The following DSCAM variants were observed in gnomAD, a reference collection of about 807,000 sequenced individuals.
DSCAM encodes cell adhesion molecule DSCAM.
In DSCAM, 47 loss-of-function variants were observed where a neutral mutation model predicts 217.7. That is an observed-to-expected ratio of 0.22 (90% confidence interval 0.17 to 0.28). The LOEUF (loss-of-function observed/expected upper bound fraction) is 0.28. Ranked by LOEUF, DSCAM falls within the 10% of genes least tolerant of loss-of-function variation. The pLI is 1.00. For synonymous variants in DSCAM, 1,056 were observed against 1,015.3 expected, an observed-to-expected ratio of 1.04 and a Z score of -0.76; for missense variants, 2,080 against 2,618.3, an observed-to-expected ratio of 0.79 and a Z score of 4.49.
intron 3 of DSCAM, among the ~76,000 whole-genome samples, chr21:40,484,694 A>C (rs975820650): frequency 4.6e-5 from 7 of 152,098 alleles, no homozygotes; most frequent in African/African-American, 1.7e-4. Flanking sequence ...TCCAGCTTGC[A>C]TGAGGCCAAG....
chr21:40,650,325 G>A (rs1212228193), intron 3 of DSCAM, among the ~76,000 whole-genome samples: 2 of 152,196 alleles, frequency 1.3e-5, no homozygotes, highest in African/African-American at 4.8e-5. Context: ...TCACAAGGGT[G>A]GAGGTATTTA....
In DSCAM at chr21:40,381,029, C is replaced by G. The variant is rs540811001; in HGVS notation, c.509-11784G>C. Among the ~76,000 whole-genome samples the G allele has an allele frequency of 1.8e-3, 259 of 142,980 alleles. 6 individuals carry two copies. Among genetic ancestry groups the G allele is most frequent in the Admixed American group, 0.018 (226 of 12,904 alleles). The allele number at this position is 142,980 out of a possible 152,430, so 93.8% of individuals were successfully genotyped here. Reference sequence around the variant, plus strand: ...AGTGAGCCGAGATCGTGCCACTGCACTCCAGCCTGGGCGACAGAGCGAGAC... The same window carrying G: ...AGTGAGCCGAGATCGTGCCACTGCAGTCCAGCCTGGGCGACAGAGCGAGAC... On this transcript the variant is annotated intron_variant, in intron 3 of 32. Coordinates refer to ENST00000400454, the MANE Select transcript of DSCAM (RefSeq NM_001389.5).
In DSCAM at chr21:40,438,294, A is replaced by G. The variant is rs1192886506; in HGVS notation, c.509-69049T>C. On this transcript the variant is annotated intron_variant, in intron 3 of 32. Transcript: ENST00000400454. ...ATATTGTCCAAAGTAAAACAATTCT[A>G]GAATATAAACTCCATAGATGCAACG... Among the ~76,000 whole-genome samples the G allele has an allele frequency of 5.3e-5, 8 of 152,374 alleles. No individual in the cohort carries two copies. In the South Asian group the frequency reaches 1.7e-3, roughly 32 times the overall value.
At chr21:40,632,148 G>A (rs1237151665) in intron 3 of DSCAM, among the ~76,000 whole-genome samples, 1 of 152,162 alleles carries the variant, frequency 6.6e-6, no homozygotes, top group Non-Finnish European at 1.5e-5. Flanking sequence ...CTGCTGACCA[G>A]GTCTATGCTG....
In DSCAM at chr21:40,816,266, T is replaced by C. The variant is rs1332771210; in HGVS notation, c.43+30353A>G. On this transcript the variant is annotated intron_variant, in intron 1 of 32. Coordinates refer to ENST00000400454, the MANE Select transcript of DSCAM (RefSeq NM_001389.5). ...TTGTCCTTAGTTCTGTCCTGCACCA[T>C]GTGATGATGAATTTGAGGTGTCGGG... Among the ~76,000 whole-genome samples the C allele has an allele frequency of 2.0e-5, 3 of 152,134 alleles. No homozygotes were observed. The East Asian group carries it at 5.8e-4, about 29-fold the overall frequency.
chr21:40,085,730 C>T lies in DSCAM; in HGVS notation c.4004G>A (p.Arg1335Gln), dbSNP rs571178062. 16 of 1,578,660 alleles carry T rather than the reference C, an allele frequency of 1.0e-5. No homozygotes were observed. Among genetic ancestry groups the T allele is most frequent in the East Asian group, 9.1e-5 (4 of 44,176 alleles). The change falls in exon 23 of 33, where the codon CGG (arginine) becomes CAG (glutamine). Residue 1335 changes from arginine (R) to glutamine (Q), a missense_variant. Coordinates refer to ENST00000400454, the MANE Select transcript of DSCAM (RefSeq NM_001389.5). Reference sequence around the variant, plus strand: ...GCTTCCGTTGCTAAAGATGCTCCTCCGCCCATCAATCGTTACTAGACTGGG... The same window carrying T: ...GCTTCCGTTGCTAAAGATGCTCCTCTGCCCATCAATCGTTACTAGACTGGG... ...GTPSLVTIDG[R>Q]RSIFSNGSFI...
At chr21:40,083,193 C>A (rs929541623) in intron 24 of DSCAM, among the ~76,000 whole-genome samples, 3 of 152,178 alleles carry the variant, frequency 2.0e-5, no homozygotes, top group African/African-American at 7.2e-5. Context: ...CTTTGAGAGG[C>A]CGAGGTGAGC....
At chr21:40,503,976 G>C (rs1473057871) in intron 3 of DSCAM, among the ~76,000 whole-genome samples, 1 of 152,124 alleles carries the variant, frequency 6.6e-6, no homozygotes, top group Non-Finnish European at 1.5e-5. Context: ...TCTCTTCCAG[G>C]CTTTCATCAG....
intron 19 of DSCAM, among the ~76,000 whole-genome samples, chr21:40,132,838 A>C (rs2146688580): frequency 6.6e-6 from 1 of 152,286 alleles, no homozygotes; most frequent in South Asian, 2.1e-4. Flanking sequence ...TATGGGATGG[A>C]ATAACAGCAT....
At chr21:40,616,427 T>C (rs2089394760) in intron 3 of DSCAM, among the ~76,000 whole-genome samples, 1 of 152,220 alleles carries the variant, frequency 6.6e-6, no homozygotes, top group Admixed American at 6.5e-5. Flanking sequence ...CGTTTCCTCC[T>C]GGAAATAGGT....
At chr21:40,583,434 T>C (rs1020880379) in intron 3 of DSCAM, among the ~76,000 whole-genome samples, 1 of 152,174 alleles carries the variant, frequency 6.6e-6, no homozygotes, top group Non-Finnish European at 1.5e-5. Context: ...CTTCTCGGCC[T>C]GGTACATGGA....
intron 11 of DSCAM, among the ~76,000 whole-genome samples, chr21:40,262,395 C>T (rs938972362): frequency 7.9e-5 from 12 of 152,112 alleles, no homozygotes; most frequent in Non-Finnish European, 1.2e-4. Flanking sequence ...CTTACAGGTG[C>T]AGCCTCTTCA....
intron 9 of DSCAM, among the ~76,000 whole-genome samples, chr21:40,304,790 G>C (rs570463563): frequency 6.6e-6 from 1 of 152,108 alleles, no homozygotes; most frequent in Non-Finnish European, 1.5e-5. Flanking sequence ...ACTGGGAAAT[G>C]GTTGGTTAGT....
At chr21:40,598,708 TTGGCCAGGATGGACTTGATC>T (rs1317688846) in intron 3 of DSCAM, among the ~76,000 whole-genome samples, 5 of 151,978 alleles carry the variant, frequency 3.3e-5, no homozygotes, top group Admixed American at 2.0e-4. Flanking sequence ...TGTCATCATG[TTGGCCAGGATGGACTTGATC>T]TCTTGACCTT....
chr21:40,334,927 G>A (rs557953209), intron 8 of DSCAM, among the ~76,000 whole-genome samples: 1 of 152,006 alleles, frequency 6.6e-6, no homozygotes, highest in Non-Finnish European at 1.5e-5. Flanking sequence ...CCGAAGTCCT[G>A]ATCTAGTAAG....
In DSCAM at chr21:40,213,397, G is replaced by A. The variant is rs78072329; in HGVS notation, c.2357-24159C>T. Among the ~76,000 whole-genome samples the A allele has an allele frequency of 3.1e-3, 477 of 152,256 alleles. 6 individuals are homozygous for A. The East Asian group carries it at 0.036, about 12-fold the overall frequency. ...CACACATAGGTTTACTGTCAGGACTGTAATGAGGTTTGCATGAATAAACAG... is the reference window on the plus strand; with the variant it reads ...CACACATAGGTTTACTGTCAGGACTATAATGAGGTTTGCATGAATAAACAG... On this transcript the variant is annotated intron_variant, in intron 11 of 32. Coordinates refer to ENST00000400454, the MANE Select transcript of DSCAM (RefSeq NM_001389.5).
chr21:40,525,049 G>C (rs1415997242), intron 3 of DSCAM, among the ~76,000 whole-genome samples: 1 of 143,634 alleles, frequency 7.0e-6, no homozygotes, highest in African/African-American at 2.6e-5. Flanking sequence ...ACAGAAGACT[G>C]TGAAATTCAA....
chr21:40,766,027 G>A (rs564874657), intron 1 of DSCAM, among the ~76,000 whole-genome samples: 5 of 152,330 alleles, frequency 3.3e-5, no homozygotes, highest in South Asian at 4.1e-4. Flanking sequence ...CAGGGAGCTC[G>A]TGACAGCTGG....
At chr21:40,116,210 G>A (rs943897450) in intron 20 of DSCAM, among the ~76,000 whole-genome samples, 2 of 152,078 alleles carry the variant, frequency 1.3e-5, no homozygotes, top group Non-Finnish European at 2.9e-5. Flanking sequence ...AACTACTAAT[G>A]GGTATTAGGA....
Sources: allele counts gnomAD v4.1 joint callset (sites outside exome capture counted in the v4.1 genomes callset), GRCh38; gene constraint gnomAD v4.1.1; transcripts MANE v1.5; gene names NCBI Gene and HGNC (gene_info 2026-07-23, HGNC 2026-07-21).